Variants in RSBN1L observed in about 807,000 individuals in gnomAD.
RSBN1L encodes lysine-specific demethylase RSBN1L.
RSBN1L carries 30 observed loss-of-function variants against 67.7 expected under a neutral mutation model. That is an observed-to-expected ratio of 0.44 (90% CI 0.33 to 0.60). The LOEUF is 0.60. RSBN1L is among the 20% of genes least tolerant of loss of function. The probability of loss-of-function intolerance (pLI) is 0.02; values close to 1 mark genes in which losing one functional copy is unlikely to be tolerated. For synonymous variants in RSBN1L, 433 were observed against 387.0 expected (o/e 1.12, Z -1.39); for missense variants, 992 against 1,031.7 (o/e 0.96, Z 0.53).
Position 77,696,949 on chromosome 7 carries a change from TAAGGAGAAGCGGGAGAAGGA to T in RSBN1L, c.481_500del (p.Lys161GlufsTer30). ...CGGCTAACGCCAAGTCGCGCAGACCTAAGGAGAAGCGGGAGAAGGAGAGGAGGAGGCACGGTCTCGGTGGG... is the reference window on the plus strand; with the variant it reads ...CGGCTAACGCCAAGTCGCGCAGACCTGAGGAGGAGGCACGGTCTCGGTGGG... On this transcript the variant is annotated frameshift_variant, in exon 1 of 8. Coordinates refer to ENST00000334955, the MANE Select transcript of RSBN1L (RefSeq NM_198467.3). LOFTEE classifies it high-confidence loss of function. The T allele has an allele frequency of 6.3e-7, 1 of 1,592,002 alleles. No individual in the cohort carries two copies. Among genetic ancestry groups the T allele is most frequent in the Non-Finnish European group, 8.5e-7 (1 of 1,176,074 alleles).
Position 77,781,985 on chromosome 7 carries a change from A to AAG in RSBN1L, c.*2818_*2819insGA, listed in dbSNP as rs1183215796. 6.6e-6 allele frequency: 1 copy of AAG among 151,624 alleles called. No homozygotes were observed. Among genetic ancestry groups the AAG allele is most frequent in the African/African-American group, 2.4e-5 (1 of 41,278 alleles). 9.4% of individuals were successfully genotyped at this position (151,624 alleles called of 1,614,324 possible). ...GGGCGACAGTCTCAAAAAAAAAAAA[A>AAG]AAAAAAAGCATACATCTCTGAAGGT... On this transcript the variant is annotated 3_prime_UTR_variant, in exon 8 of 8. Coordinates refer to ENST00000334955, the MANE Select transcript of RSBN1L (RefSeq NM_198467.3).
intron 2 of RSBN1L, among the ~76,000 whole-genome samples, chr7:77,745,231 A>G (rs897880321): frequency 4.0e-5 from 6 of 151,790 alleles, no homozygotes; most frequent in African/African-American, 1.5e-4. Flanking sequence ...ATTGCACTCC[A>G]GCCTGGGAAA....
At chr7:77,726,148 A>G (rs925668737) in intron 1 of RSBN1L, among the ~76,000 whole-genome samples, 12 of 152,236 alleles carry the variant, frequency 7.9e-5, no homozygotes, top group African/African-American at 2.9e-4. Flanking sequence ...CCCATACACC[A>G]TTATTAACAT....
chr7:77,770,595 T>G (rs2150433373), intron 5 of RSBN1L, among the ~76,000 whole-genome samples: 1 of 152,110 alleles, frequency 6.6e-6, no homozygotes, highest in East Asian at 1.9e-4. Flanking sequence ...AGTCAAGGGC[T>G]GCTTGAGCCC....
intron 6 of RSBN1L, among the ~76,000 whole-genome samples, chr7:77,775,917 G>A (rs1005433424): frequency 1.3e-5 from 2 of 152,068 alleles, no homozygotes; most frequent in South Asian, 2.1e-4. Context: ...TTAGCTGGGC[G>A]TGGTGGCACA....
At chr7:77,727,518 A>AT (rs1199016400) in intron 1 of RSBN1L, among the ~76,000 whole-genome samples, 3 of 151,652 alleles carry the variant, frequency 2.0e-5, no homozygotes, top group African/African-American at 7.3e-5. Flanking sequence ...TATTTTTAGT[A>AT]TTTTTTTCAA....
intron 3 of RSBN1L, among the ~76,000 whole-genome samples, chr7:77,760,019 A>G (rs965721495): frequency 6.6e-6 from 1 of 152,176 alleles, no homozygotes; most frequent in Non-Finnish European, 1.5e-5. Context: ...GGGGTTTTTT[A>G]AAAAATTACT....
At chr7:77,727,875 G>C (rs537881371) in intron 1 of RSBN1L, among the ~76,000 whole-genome samples, 16 of 152,298 alleles carry the variant, frequency 1.1e-4, no homozygotes, top group South Asian at 8.3e-4. Flanking sequence ...GTTTAATGCA[G>C]ATCAGGGAGA....
In RSBN1L at chr7:77,706,075, T is replaced by G. The variant is rs1445209184; in HGVS notation, c.586+9020T>G. Among the ~76,000 whole-genome samples the G allele has an allele frequency of 2.0e-5, 3 of 151,272 alleles. No homozygotes were observed. In the East Asian group the frequency reaches 5.8e-4, roughly 29 times the overall value. ...CACCATGCCCGCCTAACTTTTTTAT[T>G]TAATGTTTTTTTTTTTTTGAGACGG... On this transcript the variant is annotated intron_variant, in intron 1 of 7. Transcript: ENST00000334955.
chr7:77,706,902 T>C (rs1016034676), intron 1 of RSBN1L, among the ~76,000 whole-genome samples: 5 of 152,158 alleles, frequency 3.3e-5, no homozygotes, highest in African/African-American at 1.2e-4. Context: ...AGTTTTTAAA[T>C]ATAGCAAATA....
chr7:77,772,362 G>T (rs567307979), intron 5 of RSBN1L, among the ~76,000 whole-genome samples: 1 of 152,296 alleles, frequency 6.6e-6, no homozygotes, highest in South Asian at 2.1e-4. Flanking sequence ...AACAAAAACC[G>T]TAGAGGAAGA....
intron 3 of RSBN1L, among the ~76,000 whole-genome samples, chr7:77,750,906 A>G (rs1468723437): frequency 6.6e-6 from 1 of 152,246 alleles, no homozygotes; most frequent in Non-Finnish European, 1.5e-5. Context: ...ACGTAGAGAG[A>G]GAGGAGTAAG....
At chr7:77,752,989 A>G (rs1206699778) in intron 3 of RSBN1L, among the ~76,000 whole-genome samples, 9 of 152,188 alleles carry the variant, frequency 5.9e-5, no homozygotes, top group Admixed American at 4.6e-4. Context: ...GTACTGCTGT[A>G]TGGTATTCCA....
At chr7:77,706,170 AG>A in intron 1 of RSBN1L, among the ~76,000 whole-genome samples, 1 of 150,838 alleles carries the variant, frequency 6.6e-6, no homozygotes, top group Admixed American at 6.6e-5. Flanking sequence ...TCCGCCCCCC[AG>A]GTTCAAGCGA....
At chr7:77,773,354 G>T in intron 6 of RSBN1L, 40 bp downstream of exon 6, 2 of 1,355,094 alleles carry the variant, frequency 1.5e-6, no homozygotes, top group African/African-American at 1.5e-5. Flanking sequence ...AGAATTTCTT[G>T]GCTTCTACAA....
At chr7:77,746,810 C>T (rs1791490366) in intron 2 of RSBN1L, among the ~76,000 whole-genome samples, 1 of 152,198 alleles carries the variant, frequency 6.6e-6, no homozygotes, top group Admixed American at 6.5e-5. Flanking sequence ...AAAGGAGCTA[C>T]AGACCTCATG....
At chr7:77,733,436 A>T (rs1006461027) in intron 1 of RSBN1L, among the ~76,000 whole-genome samples, 1 of 152,202 alleles carries the variant, frequency 6.6e-6, no homozygotes, top group African/African-American at 2.4e-5. Flanking sequence ...TTCACATAAT[A>T]ACTTCATACC....
intron 1 of RSBN1L, among the ~76,000 whole-genome samples, chr7:77,703,746 C>T (rs953784546): frequency 5.9e-5 from 9 of 151,960 alleles, no homozygotes; most frequent in Non-Finnish European, 8.8e-5. Context: ...CCTCGGCCTC[C>T]CAAAGTGCTA....
intron 6 of RSBN1L, among the ~76,000 whole-genome samples, chr7:77,774,604 G>A (rs1791887460): frequency 6.6e-6 from 1 of 152,148 alleles, no homozygotes; most frequent in Non-Finnish European, 1.5e-5. Context: ...GGCCGTGGTG[G>A]CACGTGCCTG....
Sources: gnomAD v4.1 joint callset for allele counts (sites outside exome capture counted in the v4.1 genomes callset) on GRCh38, gnomAD v4.1.1 for gene constraint, MANE v1.5 for transcripts, NCBI Gene and HGNC (gene_info 2026-07-23, HGNC 2026-07-21) for gene names.